AGFG1: variants seen among roughly 807,000 people sequenced by gnomAD.
AGFG1 encodes the protein arf-GAP domain and FG repeat-containing protein 1.
In AGFG1, 10 loss-of-function variants were observed where a neutral mutation model predicts 60.6. The ratio of observed to expected loss-of-function variants is 0.16; its 90% CI spans 0.10 to 0.28. The LOEUF (loss-of-function observed/expected upper bound fraction) is 0.28, where lower values mean the gene tolerates loss of function less well. Among genes scored for constraint, AGFG1 ranks in the 10% least tolerant of loss-of-function variants. The pLI is 1.00. For synonymous variants in AGFG1, 247 were observed against 242.9 expected (o/e 1.02, Z -0.16); for missense variants, 537 against 676.5 (o/e 0.79, Z 2.29).
chr2:227,531,604 T>A (rs1692162245), intron 6 of AGFG1, among the ~76,000 whole-genome samples: 1 of 151,488 alleles, frequency 6.6e-6, no homozygotes, highest in Non-Finnish European at 1.5e-5. Context: ...AAATTTTTTT[T>A]TTTTTTTTGG....
chr2:227,502,912 G>A (rs548610620), intron 2 of AGFG1, among the ~76,000 whole-genome samples: 3 of 151,940 alleles, frequency 2.0e-5, no homozygotes, highest in Admixed American at 6.6e-5. Context: ...TTCTTTCCTC[G>A]GTGTTGCTTT....
chr2:227,478,445 G>C (rs1447073736), intron 1 of AGFG1, among the ~76,000 whole-genome samples: 14 of 152,088 alleles, frequency 9.2e-5, no homozygotes, highest in Non-Finnish European at 2.1e-4. Flanking sequence ...CCAGGCTTAG[G>C]TGATCCTCCG....
intron 10 of AGFG1, chr2:227,550,032 G>A (rs1335313465): frequency 2.1e-5 from 9 of 432,378 alleles, no homozygotes; most frequent in East Asian, 8.0e-5. Flanking sequence ...ATTAATTGAC[G>A]TTGGTCTCTT....
At chr2:227,518,840 CT>C (rs900575540) in intron 2 of AGFG1, among the ~76,000 whole-genome samples, 10 of 152,246 alleles carry the variant, frequency 6.6e-5, no homozygotes, top group African/African-American at 2.4e-4. Context: ...CTGCTGATAT[CT>C]TTGGTGAAGT....
In AGFG1 at chr2:227,559,734, C is replaced by G. The variant is rs1323261671; in HGVS notation, c.*5239C>G. ...GAATTCTAAATTCTCAGCATCTTCC[C>G]TCATTCTTGAGTGGAGAGACAGAGG... is the stretch of plus-strand genomic sequence containing the variant. On this transcript the variant is annotated 3_prime_UTR_variant, in exon 13 of 13. Transcript: ENST00000310078. 6.6e-6 allele frequency: 1 copy of G among 152,090 alleles called. No individual in the cohort carries two copies. The highest frequency in any genetic ancestry group is 1.5e-5 in the Non-Finnish European group (1 of 67,992). The allele number at this position is 152,090 out of a possible 1,614,324, so 9.4% of individuals were successfully genotyped here.
chr2:227,546,881 GA>G (rs1692664350), intron 10 of AGFG1, among the ~76,000 whole-genome samples: 1 of 152,132 alleles, frequency 6.6e-6, no homozygotes, highest in African/African-American at 2.4e-5. Context: ...TGGTTTCAAA[GA>G]TTTTTTTTCC....
chr2:227,540,048 C>G (rs1692440334), intron 10 of AGFG1, among the ~76,000 whole-genome samples: 1 of 152,076 alleles, frequency 6.6e-6, no homozygotes, highest in Non-Finnish European at 1.5e-5. Flanking sequence ...GTTGACCAGA[C>G]TGGTCTTGAA....
At chr2:227,527,012 CTTAGG>C (rs141198338) in intron 5 of AGFG1, among the ~76,000 whole-genome samples, 36 of 152,224 alleles carry the variant, frequency 2.4e-4, no homozygotes, top group African/African-American at 8.4e-4. Flanking sequence ...TGCAGAGGTA[CTTAGG>C]TTAGGTAATA....
chr2:227,518,790 C>T (rs1575092046), intron 2 of AGFG1, among the ~76,000 whole-genome samples: 2 of 152,174 alleles, frequency 1.3e-5, no homozygotes, highest in East Asian at 3.9e-4. Flanking sequence ...GCCTCAGTGT[C>T]ATTTTAATTT....
chr2:227,522,339 C>G (rs1458097618), intron 3 of AGFG1, among the ~76,000 whole-genome samples: 1 of 152,160 alleles, frequency 6.6e-6, no homozygotes, highest in Non-Finnish European at 1.5e-5. Context: ...TTTGATAAGA[C>G]TTGGCTATAC....
chr2:227,477,602 TC>T (rs1690323837), intron 1 of AGFG1, among the ~76,000 whole-genome samples: 1 of 152,146 alleles, frequency 6.6e-6, no homozygotes, highest in Non-Finnish European at 1.5e-5. Context: ...AAAGACTTTT[TC>T]TTTTTTTTGT....
At chr2:227,506,808 C>T (rs1691328792) in intron 2 of AGFG1, among the ~76,000 whole-genome samples, 1 of 152,132 alleles carries the variant, frequency 6.6e-6, no homozygotes, top group African/African-American at 2.4e-5. Flanking sequence ...TTATTCTCTG[C>T]CCTCCTGCTA....
At chr2:227,532,271 G>C (rs1692186608) in intron 6 of AGFG1, 2 of 1,258,060 alleles carry the variant, frequency 1.6e-6, no homozygotes, top group Admixed American at 2.5e-5. Flanking sequence ...ATACTTCAAG[G>C]GTTTTTCCAG....
At chr2:227,500,800 T>A (rs6723313) in intron 2 of AGFG1, among the ~76,000 whole-genome samples, 23,037 of 143,466 alleles carry the variant, frequency 0.16, 1,892 homozygotes, top group African/African-American at 0.18. Flanking sequence ...AAAAAAAAAA[T>A]TTTTTTTTTG....
At chr2:227,500,203 G>A (rs1559174684) in intron 2 of AGFG1, among the ~76,000 whole-genome samples, 1 of 152,164 alleles carries the variant, frequency 6.6e-6, no homozygotes, top group Non-Finnish European at 1.5e-5. Context: ...ATGCCTGCAA[G>A]AACTTCTTGT....
Position 227,523,753 on chromosome 2 carries a change from C to A in AGFG1, c.378-10C>A. The stretch of plus-strand genomic sequence containing the variant: ...TTTTTTTTTAGTTAACTGTTTTTTA[C>A]ATGTTTTAGGTATGTCCCGCCAGAA... On this transcript the variant is annotated splice_polypyrimidine_tract_variant and intron_variant, in intron 3 of 12. Transcript: ENST00000310078. The A allele has an allele frequency of 6.3e-7, 1 of 1,588,976 alleles. No homozygotes were observed. Among genetic ancestry groups the A allele is most frequent in the Non-Finnish European group, 8.6e-7 (1 of 1,165,092 alleles).
chr2:227,527,360 T>C (rs1692026060), intron 5 of AGFG1, among the ~76,000 whole-genome samples: 1 of 152,224 alleles, frequency 6.6e-6, no homozygotes, highest in African/African-American at 2.4e-5. Context: ...TATATGTACA[T>C]ACGTATACAC....
Position 227,550,810 on chromosome 2 carries a change from C to T in AGFG1, c.1379-1149C>T, listed in dbSNP as rs546638465. Among the ~76,000 whole-genome samples, 10 of 152,098 alleles carry T rather than the reference C, an allele frequency of 6.6e-5. No homozygotes were observed. The East Asian group carries it at 1.9e-3, about 29-fold the overall frequency. On this transcript the variant is annotated intron_variant, in intron 10 of 12. Transcript: ENST00000310078. ...AGTATTTAATTTCTGTGCCTTAAATCAATGAACAAATTGGTAAATTTGTTA... is the reference window on the plus strand; with the variant it reads ...AGTATTTAATTTCTGTGCCTTAAATTAATGAACAAATTGGTAAATTTGTTA...
At chr2:227,546,243 G>T (rs892686297) in intron 10 of AGFG1, among the ~76,000 whole-genome samples, 3 of 152,218 alleles carry the variant, frequency 2.0e-5, no homozygotes, top group Non-Finnish European at 4.4e-5. Context: ...AATCAAGACT[G>T]CTGTGCTAGC....
Sources: allele counts gnomAD v4.1 joint callset (sites outside exome capture counted in the v4.1 genomes callset), GRCh38; gene constraint gnomAD v4.1.1; transcripts MANE v1.5; gene names NCBI Gene and HGNC (gene_info 2026-07-23, HGNC 2026-07-21).